The following TTBK2 variants were observed in gnomAD, a reference collection of about 807,000 sequenced individuals.
TTBK2 encodes the protein tau-tubulin kinase 2.
TTBK2 carries 28 observed loss-of-function variants against 110.8 expected under a neutral mutation model. The ratio of observed to expected loss-of-function variants is 0.25; its 90% CI spans 0.19 to 0.35. TTBK2 has a LOEUF of 0.35. Ranked by LOEUF, TTBK2 falls within the 10% of genes least tolerant of loss-of-function variation. The pLI, the probability that TTBK2 is intolerant of heterozygous loss-of-function variation, is 1.00. For missense variants in TTBK2, 1,369 were observed against 1,500.3 expected (o/e 0.91, Z 1.45); for synonymous variants, 532 against 527.3 (o/e 1.01, Z -0.12).
At chr15:42,791,558 C>A (rs2140853528) in intron 10 of TTBK2, among the ~76,000 whole-genome samples, 1 of 152,170 alleles carries the variant, frequency 6.6e-6, no homozygotes, top group Admixed American at 6.5e-5. Flanking sequence ...CCTTTGTGCA[C>A]TTTTTAATAT....
intron 11 of TTBK2, 39 bp downstream of exon 11, chr15:42,783,380 G>A: frequency 6.3e-7 from 1 of 1,593,060 alleles, no homozygotes; most frequent in Non-Finnish European, 8.6e-7. Flanking sequence ...CTTCTGAACT[G>A]TAAGAAATAA....
chr15:42,742,099 G>A lies in TTBK2; in HGVS notation c.*3696C>T, dbSNP rs1485003887. 6.6e-6 allele frequency: 1 copy of A among 152,210 alleles called. No individual in the cohort carries two copies. The highest frequency in any genetic ancestry group is 2.4e-5 in the African/African-American group (1 of 41,454). 9.4% of individuals were successfully genotyped at this position (152,210 alleles called of 1,614,324 possible). On this transcript the variant is annotated 3_prime_UTR_variant, in exon 15 of 15. Coordinates refer to ENST00000267890, the MANE Select transcript of TTBK2 (RefSeq NM_173500.4). ...CCTCAAGTTCCCTACATTGCTAGGA[G>A]CCAAGGGAAGGAGACACTGTACACC...
intron 4 of TTBK2, among the ~76,000 whole-genome samples, chr15:42,831,823 A>C (rs1458937446): frequency 1.3e-5 from 2 of 152,198 alleles, no homozygotes; most frequent in African/African-American, 4.8e-5. Context: ...TCCTATCGCA[A>C]GGGGATTTAA....
intron 10 of TTBK2, among the ~76,000 whole-genome samples, 198 bp downstream of exon 10, chr15:42,794,446 T>A (rs1210028312): frequency 2.6e-5 from 4 of 152,322 alleles, no homozygotes; most frequent in East Asian, 1.9e-4. Context: ...AGCTCCCATT[T>A]CACAGTATAA....
chr15:42,800,968 T>C (rs1294126063), intron 9 of TTBK2: 1 of 750,650 alleles, frequency 1.3e-6, no homozygotes, highest in African/African-American at 1.7e-5. Flanking sequence ...GGGCTTCACT[T>C]GGGCAGGACG....
At chr15:42,764,487 C>T (rs111647882) in intron 13 of TTBK2, among the ~76,000 whole-genome samples, 7,401 of 152,354 alleles carry the variant, frequency 0.049, 532 homozygotes, top group African/African-American at 0.16. Context: ...CCCACGCCCA[C>T]GGAGCCTTGC....
chr15:42,895,239 T>C (rs552536375), intron 1 of TTBK2, among the ~76,000 whole-genome samples: 2 of 152,178 alleles, frequency 1.3e-5, no homozygotes, highest in Non-Finnish European at 2.9e-5. Context: ...GGAAACACAC[T>C]ACATGATTTT....
intron 13 of TTBK2, among the ~76,000 whole-genome samples, chr15:42,757,145 T>C (rs1379795206): frequency 2.0e-5 from 3 of 152,086 alleles, no homozygotes; most frequent in Non-Finnish European, 2.9e-5. Flanking sequence ...TCTTGCTTTG[T>C]CGCCCAGGCT....
chr15:42,871,636 C>T (rs950032657), intron 3 of TTBK2: 5 of 976,992 alleles, frequency 5.1e-6, no homozygotes, highest in Non-Finnish European at 6.1e-6. Flanking sequence ...AGAACAACAA[C>T]TCAAGAGAAA....
intron 1 of TTBK2, among the ~76,000 whole-genome samples, chr15:42,892,967 T>C (rs542030933): frequency 2.1e-5 from 3 of 142,578 alleles, no homozygotes; most frequent in Non-Finnish European, 4.5e-5. Flanking sequence ...GCCAAGATCA[T>C]GCCACTGCAT....
chr15:42,846,547 C>A (rs143881099), intron 3 of TTBK2, among the ~76,000 whole-genome samples: 4 of 152,108 alleles, frequency 2.6e-5, no homozygotes, highest in Admixed American at 6.5e-5. Context: ...GGATGTGGAA[C>A]CCACTGACAG....
At chr15:42,910,948 ACAGGAGAATTGCTTGAACC>A (rs2030716137) in intron 1 of TTBK2, among the ~76,000 whole-genome samples, 1 of 151,740 alleles carries the variant, frequency 6.6e-6, no homozygotes, top group Non-Finnish European at 1.5e-5. Flanking sequence ...GGAGGCTGAA[ACAGGAGAATTGCTTGAACC>A]CAGGAGGCGG....
intron 14 of TTBK2, among the ~76,000 whole-genome samples, chr15:42,749,913 C>A (rs1473671645): frequency 6.6e-6 from 1 of 152,048 alleles, no homozygotes; most frequent in East Asian, 1.9e-4. Context: ...CAGTCTACAA[C>A]CATCAAAAAA....
At chr15:42,842,923 A>G (rs2141021813) in intron 3 of TTBK2, among the ~76,000 whole-genome samples, 1 of 152,324 alleles carries the variant, frequency 6.6e-6, no homozygotes, top group Non-Finnish European at 1.5e-5. Context: ...AAATAGTGTT[A>G]TCTATTACAT....
intron 10 of TTBK2, among the ~76,000 whole-genome samples, chr15:42,789,093 C>T (rs1490874066): frequency 6.6e-6 from 1 of 152,112 alleles, no homozygotes; most frequent in Non-Finnish European, 1.5e-5. Flanking sequence ...TCCAAGACTT[C>T]TGAAAATACA....
chr15:42,810,071 T>C (rs1359016868), intron 9 of TTBK2, among the ~76,000 whole-genome samples: 1 of 152,206 alleles, frequency 6.6e-6, no homozygotes, highest in African/African-American at 2.4e-5. Context: ...CAGAATCTTC[T>C]GAAATACCGC....
At chr15:42,886,808 G>A (rs1009888311) in intron 1 of TTBK2, among the ~76,000 whole-genome samples, 3 of 152,214 alleles carry the variant, frequency 2.0e-5, no homozygotes, top group African/African-American at 7.2e-5. Context: ...TTCAAGTGCC[G>A]GAAATCTGGC....
chr15:42,906,081 G>A (rs1367907664), intron 1 of TTBK2, among the ~76,000 whole-genome samples: 5 of 152,188 alleles, frequency 3.3e-5, no homozygotes, highest in South Asian at 4.2e-4. Flanking sequence ...CCAGCTATTC[G>A]GGAGGCTGAG....
chr15:42,801,317 G>A (rs577776353), intron 9 of TTBK2: 2 of 1,523,544 alleles, frequency 1.3e-6, no homozygotes, highest in Non-Finnish European at 1.8e-6. Flanking sequence ...GCCGCGCCAT[G>A]TCTTGACTGG....
Sources: allele counts gnomAD v4.1 joint callset (sites outside exome capture counted in the v4.1 genomes callset), GRCh38; gene constraint gnomAD v4.1.1; transcripts MANE v1.5; gene names NCBI Gene and HGNC (gene_info 2026-07-23, HGNC 2026-07-21).